Variants in RBM26 observed in about 807,000 individuals in gnomAD.
RBM26 encodes the protein RNA binding motif protein 26.
RBM26 carries 30 observed loss-of-function variants against 123.6 expected under a neutral mutation model. The observed-to-expected ratio is 0.24, with a 90% CI of 0.18 to 0.33. The LOEUF is 0.33. Ranked by LOEUF, RBM26 falls within the 10% of genes least tolerant of loss-of-function variation. RBM26 has a pLI of 1.00. For missense variants in RBM26, 947 were observed against 1,203.6 expected, an observed-to-expected ratio of 0.79 and a Z score of 3.15; for synonymous variants, 400 against 404.4, an observed-to-expected ratio of 0.99 and a Z score of 0.13.
chr13:79,343,345 C>T (rs2071750785), intron 16 of RBM26, among the ~76,000 whole-genome samples: 1 of 151,750 alleles, frequency 6.6e-6, no homozygotes, highest in Non-Finnish European at 1.5e-5. Context: ...CAGGAAACAA[C>T]AAGATAAGCA....
chr13:79,397,722 T>C (rs949241034), intron 1 of RBM26, among the ~76,000 whole-genome samples: 26 of 95,334 alleles, frequency 2.7e-4, no homozygotes, highest in African/African-American at 1.0e-3. Flanking sequence ...GGTATAAAAA[T>C]CAGAAAATTG....
intron 1 of RBM26, among the ~76,000 whole-genome samples, chr13:79,395,565 C>A (rs1280744731): frequency 6.6e-6 from 1 of 151,920 alleles, no homozygotes; most frequent in Admixed American, 6.6e-5. Context: ...TATAGTGAGA[C>A]CCCATCTCTA....
At chr13:79,368,318 G>A (rs58043862) in intron 6 of RBM26, among the ~76,000 whole-genome samples, 21,950 of 152,156 alleles carry the variant, frequency 0.14, 3,932 homozygotes, top group African/African-American at 0.43. Flanking sequence ...GAGCCGCTGC[G>A]CCCAGCCAAA....
rs536066181 is a variant in RBM26 at position 79,395,548 on chromosome 13, T to C, written c.71+10156A>G. Among the ~76,000 whole-genome samples the C allele has an allele frequency of 3.1e-4, 47 of 152,186 alleles. 1 individual carries two copies. Among genetic ancestry groups the C allele is most frequent in the African/African-American group, 1.0e-3 (43 of 41,526 alleles). ...TGACACCAGAAGTTCAAGACAAGTC[T>C]AGTTAATATAGTGAGACCCCATCTC... On this transcript the variant is annotated intron_variant, in intron 1 of 21. Coordinates refer to ENST00000438737, the MANE Select transcript of RBM26 (RefSeq NM_001366735.2).
At chr13:79,403,352 T>G (rs956237520) in intron 1 of RBM26, among the ~76,000 whole-genome samples, 3 of 152,158 alleles carry the variant, frequency 2.0e-5, no homozygotes, top group Non-Finnish European at 4.4e-5. Context: ...ATGACTGCAG[T>G]GCTACAGCCA....
intron 3 of RBM26, among the ~76,000 whole-genome samples, chr13:79,373,977 G>GA (rs11372923): frequency 1 from 151,155 of 151,418 alleles, 75,447 homozygotes; most frequent in East Asian, 1. Flanking sequence ...TAGGTAATTA[G>GA]AAAAAGGGAC....
exon 5 of RBM26, chr13:79,312,915 C>T (rs2066934062): frequency 6.6e-6 from 1 of 151,752 alleles, no homozygotes; most frequent in African/African-American, 2.4e-5. Flanking sequence ...TCCTAAGACA[C>T]TTGAGGGGCC....
intron 1 of RBM26, among the ~76,000 whole-genome samples, chr13:79,399,978 T>C (rs1473311095): frequency 6.6e-6 from 1 of 151,796 alleles, no homozygotes; most frequent in Non-Finnish European, 1.5e-5. Flanking sequence ...CTGTGAAGAG[T>C]GGTTAAGTCT....
At position 79,359,587 on chromosome 13, in the gene RBM26, G is replaced by C. The variant is rs560643029; in HGVS notation, c.1517C>G (p.Thr506Ser). The change falls in exon 10 of 22, where the codon ACT (threonine) becomes AGT (serine). Residue 506 changes from threonine (T) to serine (S), a missense_variant. Thr to Ser is a moderately conservative substitution (Grantham distance 58, BLOSUM62 1). Coordinates refer to ENST00000438737, the MANE Select transcript of RBM26 (RefSeq NM_001366735.2). ...CTGGCCACCTTACTTATCAAACCAAGTCTTCTTTGTAGGAACTCCAGGCTC... is the reference window on the plus strand; with the variant it reads ...CTGGCCACCTTACTTATCAAACCAACTCTTCTTTGTAGGAACTCCAGGCTC... Reference protein sequence around the residue: ...SGEPGVPTKKTWFDKPNFNRT... With the variant: ...SGEPGVPTKKSWFDKPNFNRT... 6.4e-7 allele frequency: 1 copy of C among 1,564,990 alleles called. No individual in the cohort carries two copies.
intron 3 of RBM26, among the ~76,000 whole-genome samples, chr13:79,374,468 T>C (rs532281159): frequency 4.6e-5 from 7 of 151,968 alleles, no homozygotes; most frequent in South Asian, 4.1e-4. Flanking sequence ...GCCTGGGCAA[T>C]AGACTAAGAC....
chr13:79,320,762 G>GA (rs759037722), intron 21 of RBM26, 52 bp from the exon 22 acceptor site: 101 of 1,298,594 alleles, frequency 7.8e-5, no homozygotes, highest in Admixed American at 5.3e-4. Flanking sequence ...AAAAAGAAAA[G>GA]AAAAAAAAGG....
At chr13:79,392,019 T>A (rs57348806) in intron 1 of RBM26, among the ~76,000 whole-genome samples, 48,207 of 96,560 alleles carry the variant, frequency 0.5, 13,757 homozygotes, top group South Asian at 0.63. Flanking sequence ...ATATTATACA[T>A]TATTATATAA....
chr13:79,392,986 T>C lies in RBM26; in HGVS notation c.71+12718A>G, dbSNP rs932435170. On this transcript the variant is annotated intron_variant, in intron 1 of 21. Transcript: ENST00000438737. ...TTTTAGCAGTCATATACACATGCTG[T>C]CGAGAGATTAGAATCAGAAGTACCA... Among the ~76,000 whole-genome samples the C allele has an allele frequency of 3.9e-5, 6 of 152,252 alleles. No homozygotes were observed. In the East Asian group the frequency reaches 5.8e-4, roughly 15 times the overall value.
In RBM26 at chr13:79,406,061, C is replaced by G. The variant is rs1036889229; in HGVS notation, c.-287G>C. ...CCTTCCCTCTTCCCCAGCAAATCTA[C>G]CCAGACCGGAAGCGCGACACGCGCT... On this transcript the variant is annotated 5_prime_UTR_variant, in exon 1 of 22. Transcript: ENST00000438737. The G allele has an allele frequency of 1.2e-5, 3 of 250,190 alleles. No homozygotes were observed. Among genetic ancestry groups the G allele is most frequent in the African/African-American group, 2.3e-5 (1 of 43,932 alleles). 15.5% of individuals were successfully genotyped at this position (250,190 alleles called of 1,614,324 possible). A position where few individuals can be genotyped will look rare whatever the true frequency, so the allele number is the denominator to read the frequency against.
At position 79,361,072 on chromosome 13, in the gene RBM26, G is replaced by T. The variant is rs192958467; in HGVS notation, c.1418-1386C>A. On this transcript the variant is annotated intron_variant, in intron 9 of 21. Coordinates refer to ENST00000438737, the MANE Select transcript of RBM26 (RefSeq NM_001366735.2). Reference sequence around the variant, plus strand: ...TCAATTCTAAATTTTCAACTTCTTTGTTCTCTCTGGAAATCCTACAGGTAT... The same window carrying T: ...TCAATTCTAAATTTTCAACTTCTTTTTTCTCTCTGGAAATCCTACAGGTAT... Among the ~76,000 whole-genome samples the T allele has an allele frequency of 9.9e-5, 15 of 152,208 alleles. No individual in the cohort carries two copies. In the East Asian group the frequency reaches 2.9e-3, roughly 29 times the overall value.
chr13:79,320,306 T>A lies in RBM26; in HGVS notation c.*315A>T, dbSNP rs1393417662. ...TCTAAGTTATAACAAGTATTGGTCA[T>A]AAGTTTTCAGACCTATTCATTAAAT... On this transcript the variant is annotated 3_prime_UTR_variant, in exon 22 of 22. Coordinates refer to ENST00000438737, the MANE Select transcript of RBM26 (RefSeq NM_001366735.2). 3.0e-6 allele frequency: 3 copies of A among 1,002,192 alleles called. No individual in the cohort carries two copies. The highest frequency in any genetic ancestry group is 3.6e-6 in the Non-Finnish European group (3 of 838,102). The allele number at this position is 1,002,192 out of a possible 1,614,324, so 62.1% of individuals were successfully genotyped here.
chr13:79,336,976 T>A, intron 19 of RBM26, 126 bp downstream of exon 19: 1 of 874,860 alleles, frequency 1.1e-6, no homozygotes, highest in South Asian at 1.7e-5. Context: ...AATTAAAGAT[T>A]AAACTCTTTG....
exon 5 of RBM26, chr13:79,312,174 C>A (rs2066913927): frequency 6.6e-6 from 1 of 151,994 alleles, no homozygotes; most frequent in South Asian, 2.1e-4. Context: ...CTGGAACAAT[C>A]CAGTCTCCAG....
chr13:79,399,455 T>TA (rs914761876), intron 1 of RBM26, among the ~76,000 whole-genome samples: 30 of 149,658 alleles, frequency 2.0e-4, no homozygotes, highest in East Asian at 1.6e-3. Context: ...AAAGAAACAA[T>TA]AAAAAAAAAT....
Sources: allele counts gnomAD v4.1 joint callset (sites outside exome capture counted in the v4.1 genomes callset), GRCh38; gene constraint gnomAD v4.1.1; transcripts MANE v1.5; gene names NCBI Gene and HGNC (gene_info 2026-07-23, HGNC 2026-07-21).